Variants in PRKD3 observed in about 807,000 individuals in gnomAD.
PRKD3 encodes serine/threonine-protein kinase D3.
In PRKD3, 47 loss-of-function variants were observed where a neutral mutation model predicts 99.2. The observed-to-expected ratio is 0.47, with a 90% CI of 0.38 to 0.60. The LOEUF is 0.60. Ranked by LOEUF, PRKD3 falls within the 20% of genes least tolerant of loss-of-function variation. The pLI, the probability that PRKD3 is intolerant of heterozygous loss-of-function variation, is 0.00. For synonymous variants in PRKD3, 392 were observed against 355.4 expected, an observed-to-expected ratio of 1.10 and a Z score of -1.16; for missense variants, 1,019 against 1,088.4, an observed-to-expected ratio of 0.94 and a Z score of 0.90.
chr2:37,299,560 A>ACACG (rs59217815), intron 2 of PRKD3, among the ~76,000 whole-genome samples: 2 of 143,534 alleles, frequency 1.4e-5, no homozygotes, highest in African/African-American at 5.3e-5. Context: ...ACACACACAC[A>ACACG]AGCTTCTGCA....
chr2:37,324,122 G>T, intron 1 of PRKD3: 1 of 957,176 alleles, frequency 1.0e-6, no homozygotes, highest in Non-Finnish European at 1.2e-6. Flanking sequence ...TCGGAACAAT[G>T]CTGCAACTAG....
At chr2:37,299,799 C>G (rs1274908191) in intron 2 of PRKD3, among the ~76,000 whole-genome samples, 1 of 152,120 alleles carries the variant, frequency 6.6e-6, no homozygotes, top group Non-Finnish European at 1.5e-5. Flanking sequence ...CTCAACATCA[C>G]TAATCATCAG....
chr2:37,253,240 G>A lies in PRKD3; in HGVS notation c.2610C>T (p.Asn870=), dbSNP rs1248027972. The change falls in exon 19 of 19, where the codon AAC becomes AAT. Residue 870 remains asparagine, a synonymous_variant. Coordinates refer to ENST00000234179, the MANE Select transcript of PRKD3 (RefSeq NM_005813.6). ...ARWEIHAYTH[N]LVYPKHFIMA... ...TAATGAAGTGCTTTGGGTATACAAGGTTATGTGTGTATGCATGTATTTCCC... is the reference window on the plus strand; with the variant it reads ...TAATGAAGTGCTTTGGGTATACAAGATTATGTGTGTATGCATGTATTTCCC... 6.2e-6 allele frequency: 10 copies of A among 1,612,584 alleles called. No homozygotes were observed. The highest frequency in any genetic ancestry group is 8.5e-6 in the Non-Finnish European group (10 of 1,178,874).
chr2:37,310,511 T>C (rs1572700005), intron 2 of PRKD3, among the ~76,000 whole-genome samples: 1 of 152,238 alleles, frequency 6.6e-6, no homozygotes, highest in African/African-American at 2.4e-5. Flanking sequence ...TATAACACTA[T>C]ACTGCTTCAT....
chr2:37,289,566 T>G (rs989230055), intron 4 of PRKD3, 53 bp from the exon 5 acceptor site: 3 of 1,397,602 alleles, frequency 2.1e-6, no homozygotes, highest in African/African-American at 2.9e-5. Context: ...ATTTACTATT[T>G]AAGTGTGATA....
intron 11 of PRKD3, 58 bp downstream of exon 11, chr2:37,274,363 C>G (rs892497190): frequency 6.3e-7 from 1 of 1,580,722 alleles, no homozygotes; most frequent in Non-Finnish European, 8.6e-7. Context: ...ACAACCATAC[C>G]CACAAAATGC....
rs1667424738 is a variant in PRKD3 at position 37,250,803 on chromosome 2, C to G, written c.*2374G>C. The G allele has an allele frequency of 6.6e-6, 1 of 152,580 alleles. No individual in the cohort carries two copies. The highest frequency in any genetic ancestry group is 2.1e-4 in the South Asian group (1 of 4,834). 9.5% of individuals were successfully genotyped at this position (152,580 alleles called of 1,614,324 possible). ...AAATATTAAAAATGTACTGAACAGT[C>G]ATTATAGACTACTTTGTACATTATC... On this transcript the variant is annotated 3_prime_UTR_variant, in exon 19 of 19. Coordinates refer to ENST00000234179, the MANE Select transcript of PRKD3 (RefSeq NM_005813.6).
At position 37,282,674 on chromosome 2, in the gene PRKD3, T is replaced by C. The variant is rs1393671282; in HGVS notation, c.911-55A>G. 46 of 1,207,948 alleles carry C rather than the reference T, an allele frequency of 3.8e-5. 1 individual carries two copies. The Admixed American group carries it at 6.4e-4, about 17-fold the overall frequency. 74.8% of individuals were successfully genotyped at this position (1,207,948 alleles called of 1,614,324 possible). A position where few individuals can be genotyped will look rare whatever the true frequency, so the allele number is the denominator to read the frequency against. ...TATGTAAAAGTCAAGCAGTATCAGA[T>C]ATGGTTAGACTTTCTTTAAATCACT... is the stretch of plus-strand genomic sequence containing the variant. On this transcript the variant is annotated intron_variant, in intron 6 of 18. Coordinates refer to ENST00000234179, the MANE Select transcript of PRKD3 (RefSeq NM_005813.6).
At chr2:37,307,515 T>G (rs1162540712) in intron 2 of PRKD3, among the ~76,000 whole-genome samples, 1 of 152,234 alleles carries the variant, frequency 6.6e-6, no homozygotes, top group Admixed American at 6.5e-5. Context: ...TTTTCAGCTC[T>G]AATAACTATA....
chr2:37,321,320 T>A (rs1408158969), intron 1 of PRKD3, among the ~76,000 whole-genome samples: 3 of 152,200 alleles, frequency 2.0e-5, no homozygotes, highest in Non-Finnish European at 4.4e-5. Flanking sequence ...GTCATCATTG[T>A]TACTGGAATC....
chr2:37,260,796 A>G (rs1668375503), intron 14 of PRKD3, among the ~76,000 whole-genome samples: 1 of 152,146 alleles, frequency 6.6e-6, no homozygotes, highest in Non-Finnish European at 1.5e-5. Context: ...TAAGAGTTTT[A>G]TTTCTAAGGT....
At position 37,317,119 on chromosome 2, in the gene PRKD3, A is replaced by C; in HGVS notation, c.-595T>G. 1 of 985,458 alleles carries C rather than the reference A, an allele frequency of 1.0e-6. No individual in the cohort carries two copies. The highest frequency in any genetic ancestry group is 1.2e-6 in the Non-Finnish European group (1 of 829,942). The allele number at this position is 985,458 out of a possible 1,614,324, so 61.0% of individuals were successfully genotyped here. A position where few individuals can be genotyped will look rare whatever the true frequency, so the allele number is the denominator to read the frequency against. On this transcript the variant is annotated 5_prime_UTR_variant, in exon 2 of 19. It removes an upstream start codon present in the reference 5' UTR. Coordinates refer to ENST00000234179, the MANE Select transcript of PRKD3 (RefSeq NM_005813.6). ...CAAAGCTTTTTAAAATAGTACAGGC[A>C]TATTTCATTAGATGAATGGGTCCAT...
At chr2:37,253,914 TTAAAA>T (rs1340336636) in intron 18 of PRKD3, among the ~76,000 whole-genome samples, 1 of 152,178 alleles carries the variant, frequency 6.6e-6, no homozygotes, top group Non-Finnish European at 1.5e-5. Context: ...CAGTAGACAT[TTAAAA>T]TAAATTTGAT....
chr2:37,297,016 T>C (rs1670705811), intron 2 of PRKD3, among the ~76,000 whole-genome samples: 1 of 151,668 alleles, frequency 6.6e-6, no homozygotes, highest in African/African-American at 2.4e-5. Context: ...TCATTCATAA[T>C]GAGCACACAT....
chr2:37,303,154 T>G (rs1020870545), intron 2 of PRKD3, among the ~76,000 whole-genome samples: 1 of 152,042 alleles, frequency 6.6e-6, no homozygotes, highest in Admixed American at 6.6e-5. Flanking sequence ...ATGGCCTGAC[T>G]ATCGGGAAGA....
At chr2:37,303,772 G>A (rs1356935837) in intron 2 of PRKD3, among the ~76,000 whole-genome samples, 1 of 151,998 alleles carries the variant, frequency 6.6e-6, no homozygotes, top group South Asian at 2.1e-4. Flanking sequence ...AAGAATGAAG[G>A]TTTTATTCTA....
Position 37,267,502 on chromosome 2 carries a change from A to G in PRKD3, c.1812T>C (p.Ile604=). ...KHRKTGRDVA[I]KVIDKMRFPT... ...GGAATCTCATCTTATCAATTACTTT[A>G]ATAGCCACATCCCTCCCAGTCTTTC... Residue 604 remains isoleucine (I), a synonymous_variant, in exon 14 of 19, where the codon ATT becomes ATC. Transcript: ENST00000234179. 6.2e-7 allele frequency: 1 copy of G among 1,611,446 alleles called. No homozygotes were observed. Among genetic ancestry groups the G allele is most frequent in the Non-Finnish European group, 8.5e-7 (1 of 1,178,350 alleles).
At chr2:37,317,279 A>G (rs1671706499) in intron 1 of PRKD3, 100 bp from the exon 2 acceptor site, 2 of 472,912 alleles carry the variant, frequency 4.2e-6, no homozygotes, top group Non-Finnish European at 5.5e-6. Context: ...TTTTGGTCAT[A>G]TGCTTATAAT....
intron 2 of PRKD3, among the ~76,000 whole-genome samples, chr2:37,309,744 A>G (rs938946381): frequency 6.7e-6 from 1 of 149,270 alleles, no homozygotes; most frequent in African/African-American, 2.5e-5. Flanking sequence ...GCTACTCGGG[A>G]GGCTGACGCA....
Sources: allele counts gnomAD v4.1 joint callset (sites outside exome capture counted in the v4.1 genomes callset), GRCh38; gene constraint gnomAD v4.1.1; transcripts MANE v1.5; gene names NCBI Gene and HGNC (gene_info 2026-07-23, HGNC 2026-07-21).